Variants in PLEKHD1 observed in about 807,000 individuals in gnomAD.
The protein encoded by PLEKHD1 is pleckstrin homology and coiled-coil domain containing D1, also known as pleckstrin homology domain-containing family D member 1.
A neutral mutation model predicts 69.2 loss-of-function variants in PLEKHD1; 51 were observed. The observed-to-expected ratio is 0.74, with a 90% CI of 0.59 to 0.93. The LOEUF (loss-of-function observed/expected upper bound fraction) is 0.93. Ranked by LOEUF, PLEKHD1 falls within the 40% of genes least tolerant of loss-of-function variation. The pLI is 0.00. For synonymous variants in PLEKHD1, 236 were observed against 244.7 expected (o/e 0.96, Z 0.33); for missense variants, 584 against 641.0 (o/e 0.91, Z 0.96).
Position 69,520,153 on chromosome 14 carries a change from C to T in PLEKHD1, c.556-2130C>T, listed in dbSNP as rs562529001. Among the ~76,000 whole-genome samples, 18 of 108,922 alleles carry T rather than the reference C, an allele frequency of 1.7e-4. No individual in the cohort carries two copies. The East Asian group carries it at 3.6e-3, about 22-fold the overall frequency. The allele number at this position is 108,922 out of a possible 152,430, so 71.5% of individuals were successfully genotyped here. Reference sequence around the variant, plus strand: ...CTGCACTCCAGCCTGGGTGACAGAGCGAGACTCTGTCTCAAAAAAAAAAAA... The same window carrying T: ...CTGCACTCCAGCCTGGGTGACAGAGTGAGACTCTGTCTCAAAAAAAAAAAA... On this transcript the variant is annotated intron_variant, in intron 6 of 12. Transcript: ENST00000322564.
At chr14:69,472,182 C>A in the PLEKHD1 span, among the ~76,000 whole-genome samples, 2 of 152,128 alleles carry the variant, frequency 1.3e-5, no homozygotes, top group Non-Finnish European at 2.9e-5. Context: ...CACACACAGG[C>A]GGCACACCCA....
intron 11 of PLEKHD1, 65 bp downstream of exon 11, chr14:69,527,397 C>CT: frequency 6.5e-7 from 1 of 1,544,802 alleles, no homozygotes; most frequent in Non-Finnish European, 8.7e-7. Context: ...GATCCCGGCC[C>CT]TGTAGAGCCA....
intron 6 of PLEKHD1, among the ~76,000 whole-genome samples, chr14:69,507,803 G>C (rs529842439): frequency 3.3e-5 from 5 of 152,200 alleles, no homozygotes; most frequent in African/African-American, 1.2e-4. Flanking sequence ...TGAATTCCTG[G>C]GTTTAAGAGA....
In PLEKHD1 at chr14:69,531,446, T is replaced by A. The variant is rs184833397; in HGVS notation, c.*3027T>A. The A allele has an allele frequency of 6.6e-6, 1 of 152,338 alleles. No individual in the cohort carries two copies. The highest frequency in any genetic ancestry group is 1.9e-4 in the East Asian group (1 of 5,188). The allele number at this position is 152,338 out of a possible 1,614,324, so 9.4% of individuals were successfully genotyped here. A position where few individuals can be genotyped will look rare whatever the true frequency, so the allele number is the denominator to read the frequency against. On this transcript the variant is annotated 3_prime_UTR_variant, in exon 13 of 13. Transcript: ENST00000322564. ...AGCAACATCTCTATATCAAAATACG[T>A]AGGAGTGGAAATTACTTAGTGGAGA...
intron 6 of PLEKHD1, among the ~76,000 whole-genome samples, chr14:69,516,886 G>A (rs549325396): frequency 6.6e-6 from 1 of 152,292 alleles, no homozygotes; most frequent in Non-Finnish European, 1.5e-5. Flanking sequence ...ACCCAGGCTG[G>A]CCTCGAACTC....
At chr14:69,471,090 C>CTTTTTTTTT in the PLEKHD1 span, among the ~76,000 whole-genome samples, 6 of 44,720 alleles carry the variant, frequency 1.3e-4, 2 homozygotes, top group African/African-American at 1.7e-4. Context: ...CGTGCCTGGC[C>CTTTTTTTTT]TTTTTTTTTT....
upstream of PLEKHD1, among the ~76,000 whole-genome samples, chr14:69,484,384 G>T (rs899624017): frequency 4.6e-5 from 7 of 152,216 alleles, no homozygotes; most frequent in Non-Finnish European, 1.0e-4. Context: ...GTCTGCAGGA[G>T]TGCCTCCAAC....
rs1362219580 is a variant in PLEKHD1, at chr14:69,501,950, C to G, written c.502+125C>G. On this transcript the variant is annotated intron_variant, in intron 5 of 12. Transcript: ENST00000322564. Reference sequence around the variant, plus strand: ...AGGTGGGGCTATGAGGGAACAGAGACCAGTTTGGCACCTGGAGGGCTTCCT... The same window carrying G: ...AGGTGGGGCTATGAGGGAACAGAGAGCAGTTTGGCACCTGGAGGGCTTCCT... 4 of 836,846 alleles carry G rather than the reference C, an allele frequency of 4.8e-6. No individual in the cohort carries two copies. The East Asian group carries it at 1.1e-4, about 24-fold the overall frequency. 51.8% of individuals were successfully genotyped at this position (836,846 alleles called of 1,614,324 possible).
intron 1 of PLEKHD1, among the ~76,000 whole-genome samples, chr14:69,492,144 C>G (rs2139496057): frequency 6.6e-6 from 1 of 152,314 alleles, no homozygotes; most frequent in Admixed American, 6.5e-5. Context: ...CCGCACCTCC[C>G]CTGCACCACT....
chr14:69,495,578 T>C (rs1032101951), intron 1 of PLEKHD1, among the ~76,000 whole-genome samples: 1 of 152,166 alleles, frequency 6.6e-6, no homozygotes, highest in African/African-American at 2.4e-5. Flanking sequence ...TGGAATGAGG[T>C]GTGGTATGTG....
At chr14:69,524,374 A>T in intron 8 of PLEKHD1, 52 bp downstream of exon 8, 1 of 1,424,004 alleles carries the variant, frequency 7.0e-7, no homozygotes, top group Non-Finnish European at 9.7e-7. Flanking sequence ...GGTTGGTTGG[A>T]CCACATGACA....
chr14:69,515,998 T>TTG (rs747200227), intron 6 of PLEKHD1, among the ~76,000 whole-genome samples: 6 of 152,210 alleles, frequency 3.9e-5, no homozygotes, highest in Non-Finnish European at 5.9e-5. Context: ...ATTTTTCAGT[T>TTG]TGTTTGGTTT....
At chr14:69,503,098 G>A in intron 6 of PLEKHD1, 1 of 561,508 alleles carries the variant, frequency 1.8e-6, no homozygotes, top group Non-Finnish European at 3.2e-6. Flanking sequence ...GGAGTAAAGT[G>A]AAAAGGGTGG....
intron 6 of PLEKHD1, among the ~76,000 whole-genome samples, chr14:69,515,706 C>T (rs374383374): frequency 1.2e-4 from 19 of 152,148 alleles, no homozygotes; most frequent in South Asian, 4.2e-4. Flanking sequence ...AGCATGGGCG[C>T]GGGGAAGTGC....
intron 1 of PLEKHD1, among the ~76,000 whole-genome samples, chr14:69,488,477 G>T (rs1373881225): frequency 2.0e-5 from 3 of 152,144 alleles, no homozygotes; most frequent in Non-Finnish European, 2.9e-5. Flanking sequence ...CCCTCAGCTG[G>T]CTGTGTGAGG....
chr14:69,512,974 T>G (rs1413411268), intron 6 of PLEKHD1, among the ~76,000 whole-genome samples: 1 of 151,806 alleles, frequency 6.6e-6, no homozygotes, highest in Non-Finnish European at 1.5e-5. Context: ...CCTGTAGTCC[T>G]CGCCACTCAG....
chr14:69,507,579 T>G (rs1230341329), intron 6 of PLEKHD1, among the ~76,000 whole-genome samples: 1 of 152,278 alleles, frequency 6.6e-6, no homozygotes, highest in Non-Finnish European at 1.5e-5. Flanking sequence ...TTGTAAGAAG[T>G]TGCCAAACTG....
the PLEKHD1 span, among the ~76,000 whole-genome samples, chr14:69,476,606 A>G: frequency 6.6e-6 from 1 of 152,122 alleles, no homozygotes; most frequent in East Asian, 1.9e-4. Context: ...ATCACTAAAG[A>G]AGTCTTTGGG....
At chr14:69,525,567 C>T (rs559375764) in intron 8 of PLEKHD1, among the ~76,000 whole-genome samples, 66 of 152,068 alleles carry the variant, frequency 4.3e-4, no homozygotes, top group Non-Finnish European at 5.7e-4. Flanking sequence ...ACTGCAGCCT[C>T]GCTCTGTTTG....
Sources: allele counts gnomAD v4.1 joint callset (sites outside exome capture counted in the v4.1 genomes callset), GRCh38; gene constraint gnomAD v4.1.1; transcripts MANE v1.5; gene names NCBI Gene and HGNC (gene_info 2026-07-23, HGNC 2026-07-21).